The following SNCAIP variants were observed in gnomAD, a reference collection of about 807,000 sequenced individuals.
The protein encoded by SNCAIP is synphilin-1.
Under a neutral mutation model 86.7 loss-of-function variants are expected in SNCAIP, and 43 were observed. The ratio of observed to expected loss-of-function variants is 0.50; its 90% CI spans 0.39 to 0.64. The LOEUF is 0.64. Among genes scored for constraint, SNCAIP ranks in the 30% least tolerant of loss-of-function variants. The pLI, the probability that SNCAIP is intolerant of heterozygous loss-of-function variation, is 0.00. For missense variants in SNCAIP, 981 were observed against 1,103.1 expected, an observed-to-expected ratio of 0.89 and a Z score of 1.57; for synonymous variants, 417 against 427.2, an observed-to-expected ratio of 0.98 and a Z score of 0.29.
chr5:122,404,262 GGTGCTTTGCCAAAGTCGGAAACCCT>G (rs1772483977), intron 3 of SNCAIP, among the ~76,000 whole-genome samples: 1 of 152,160 alleles, frequency 6.6e-6, no homozygotes, highest in Non-Finnish European at 1.5e-5. Context: ...CTTGGGGAAT[GGTGCTTTGCCAAAGTCGGAAACCCT>G]ATCAGAGATG....
chr5:122,348,815 C>T (rs1472321979), intron 1 of SNCAIP, among the ~76,000 whole-genome samples: 4 of 152,006 alleles, frequency 2.6e-5, no homozygotes, highest in African/African-American at 4.8e-5. Context: ...AAATTGATGA[C>T]GTTTTTGAGT....
chr5:122,411,194 C>T (rs980362632), intron 3 of SNCAIP, among the ~76,000 whole-genome samples: 1 of 152,120 alleles, frequency 6.6e-6, no homozygotes, highest in Admixed American at 6.5e-5. Flanking sequence ...ATGGGAAGTC[C>T]AGAGAGGGAC....
intron 5 of SNCAIP, among the ~76,000 whole-genome samples, chr5:122,429,804 G>A (rs1405817001): frequency 6.6e-6 from 1 of 152,220 alleles, no homozygotes; most frequent in Middle Eastern, 3.4e-3. Context: ...GCCAGGACAC[G>A]GTTACCTCCC....
Position 122,440,615 on chromosome 5 carries a change from C to A in SNCAIP, c.1297-14C>A. On this transcript the variant is annotated splice_polypyrimidine_tract_variant and intron_variant, in intron 6 of 10. Transcript: ENST00000261368. ...AAGATATTACATGAATTCCAACTGT[C>A]TTTGTGTTTATAGGAAAAGATTCTT... 6.2e-7 allele frequency: 1 copy of A among 1,612,526 alleles called. No homozygotes were observed. Among genetic ancestry groups the A allele is most frequent in the Non-Finnish European group, 8.5e-7 (1 of 1,178,610 alleles).
chr5:122,343,001 A>T (rs1465787976), intron 1 of SNCAIP, among the ~76,000 whole-genome samples: 3 of 152,208 alleles, frequency 2.0e-5, no homozygotes, highest in Non-Finnish European at 4.4e-5. Flanking sequence ...CTTTCCTCTT[A>T]AATAAGTGAT....
chr5:122,463,066 T>G (rs1285884493), intron 10 of SNCAIP, among the ~76,000 whole-genome samples: 2 of 152,226 alleles, frequency 1.3e-5, no homozygotes, highest in Non-Finnish European at 2.9e-5. Flanking sequence ...AAAAGCATTC[T>G]TCTTTAAACT....
At chr5:122,368,965 G>A (rs1446088201) in intron 1 of SNCAIP, among the ~76,000 whole-genome samples, 2 of 152,128 alleles carry the variant, frequency 1.3e-5, no homozygotes, top group East Asian at 1.9e-4. Context: ...GCACATATCA[G>A]TTTGCTCCCG....
intron 1 of SNCAIP, among the ~76,000 whole-genome samples, chr5:122,333,372 C>A (rs927138554): frequency 6.6e-6 from 1 of 152,188 alleles, no homozygotes; most frequent in Non-Finnish European, 1.5e-5. Flanking sequence ...TAGGTATTTT[C>A]CAAGTCCTGT....
rs143589687 is a variant in SNCAIP, at chr5:122,397,932, G to T, written c.58-5861G>T. Reference sequence around the variant, plus strand: ...AAGGAATTTTAAACAACAGTTGATGGTGGCAAATAGGTCATTATAAAGACG... The same window carrying T: ...AAGGAATTTTAAACAACAGTTGATGTTGGCAAATAGGTCATTATAAAGACG... On this transcript the variant is annotated intron_variant, in intron 2 of 10. Transcript: ENST00000261368. Among the ~76,000 whole-genome samples, 19 of 152,258 alleles carry T rather than the reference G, an allele frequency of 1.2e-4. 3 individuals carry two copies. The highest frequency in any genetic ancestry group is 4.3e-4 in the African/African-American group (18 of 41,554).
At chr5:122,404,877 G>A (rs868769020) in intron 3 of SNCAIP, among the ~76,000 whole-genome samples, 2 of 152,200 alleles carry the variant, frequency 1.3e-5, no homozygotes, top group Middle Eastern at 3.4e-3. Context: ...TTCTAGGTTT[G>A]TTTATCTTGG....
chr5:122,442,638 C>T (rs1032747575), intron 7 of SNCAIP, among the ~76,000 whole-genome samples: 8 of 152,110 alleles, frequency 5.3e-5, no homozygotes, highest in Admixed American at 2.6e-4. Flanking sequence ...GAAAAATATG[C>T]TTTTCTATTT....
In SNCAIP at chr5:122,449,952, T is replaced by C. The variant is rs1041145085; in HGVS notation, c.1685+15T>C. The C allele has an allele frequency of 6.4e-7, 1 of 1,554,984 alleles. No individual in the cohort carries two copies. The stretch of plus-strand genomic sequence containing the variant: ...TCTTCACCCAGGTAATACCAGCACA[T>C]TGTTGTTTAGCATTCTTAAGTATCC... On this transcript the variant is annotated intron_variant, in intron 9 of 10. Transcript: ENST00000261368.
At chr5:122,352,636 C>T (rs1760103901) in intron 1 of SNCAIP, among the ~76,000 whole-genome samples, 1 of 152,186 alleles carries the variant, frequency 6.6e-6, no homozygotes, top group Non-Finnish European at 1.5e-5. Context: ...GAGTTACAGG[C>T]TACTTGAAAT....
chr5:122,430,672 A>G (rs1778234101), intron 5 of SNCAIP, among the ~76,000 whole-genome samples: 1 of 152,008 alleles, frequency 6.6e-6, no homozygotes, highest in African/African-American at 2.4e-5. Flanking sequence ...TATGGACTAT[A>G]TTGTAGCTAT....
intron 8 of SNCAIP, among the ~76,000 whole-genome samples, chr5:122,445,414 A>G (rs1314341727): frequency 6.6e-6 from 1 of 152,132 alleles, no homozygotes; most frequent in African/African-American, 2.4e-5. Context: ...TTAGAGAAAG[A>G]GGTCCCAGAT....
chr5:122,388,865 G>A (rs1039255369), intron 1 of SNCAIP: 3 of 152,226 alleles, frequency 2.0e-5, no homozygotes, highest in Non-Finnish European at 4.4e-5. Flanking sequence ...CTGCTGGGAA[G>A]TAGAGGCAAA....
chr5:122,329,384 A>G (rs1020827580), intron 1 of SNCAIP, among the ~76,000 whole-genome samples: 2 of 152,106 alleles, frequency 1.3e-5, no homozygotes, highest in Admixed American at 1.3e-4. Flanking sequence ...CCTCTCTTGA[A>G]CCTCCCGGTG....
At chr5:122,454,672 G>A (rs1388179843) in intron 10 of SNCAIP, among the ~76,000 whole-genome samples, 2 of 152,172 alleles carry the variant, frequency 1.3e-5, no homozygotes, top group Non-Finnish European at 2.9e-5. Flanking sequence ...GGAAAATTCT[G>A]GTTTTGTCCT....
intron 1 of SNCAIP, among the ~76,000 whole-genome samples, chr5:122,331,074 G>A (rs928652466): frequency 6.6e-6 from 1 of 152,046 alleles, no homozygotes; most frequent in South Asian, 2.1e-4. Context: ...GGGAGGTGGC[G>A]CTTGGGAAGT....
Sources: allele counts gnomAD v4.1 joint callset (sites outside exome capture counted in the v4.1 genomes callset), GRCh38; gene constraint gnomAD v4.1.1; transcripts MANE v1.5; gene names NCBI Gene and HGNC (gene_info 2026-07-23, HGNC 2026-07-21).